GALK2: variants seen among roughly 807,000 people sequenced by gnomAD.
The protein encoded by GALK2 is N-acetylgalactosamine kinase.
A neutral mutation model predicts 52.4 loss-of-function variants in GALK2; 36 were observed. The observed-to-expected ratio is 0.69, with a 90% confidence interval of 0.53 to 0.91. GALK2 has a LOEUF of 0.91. Among genes scored for constraint, GALK2 ranks in the 40% least tolerant of loss-of-function variants. The probability of loss-of-function intolerance (pLI) is 0.00; values close to 1 mark genes in which losing one functional copy is unlikely to be tolerated. For missense variants in GALK2, 579 were observed against 559.1 expected, an observed-to-expected ratio of 1.04 and a Z score of -0.36; for synonymous variants, 176 against 199.1, an observed-to-expected ratio of 0.88 and a Z score of 0.98.
chr15:49,288,082 A>G (rs1317199443), intron 7 of GALK2, among the ~76,000 whole-genome samples: 1 of 152,254 alleles, frequency 6.6e-6, no homozygotes, highest in East Asian at 1.9e-4. Context: ...TACTACTTGT[A>G]TAAATGATAT....
At chr15:49,219,958 G>C (rs1190509621) in intron 3 of GALK2, among the ~76,000 whole-genome samples, 2 of 151,320 alleles carry the variant, frequency 1.3e-5, no homozygotes, top group Non-Finnish European at 1.5e-5. Flanking sequence ...TAATGATGTT[G>C]AACATCTTTT....
In GALK2 at chr15:49,322,818, G is replaced by A. The variant is rs1432814836; in HGVS notation, c.1169+3013G>A. Among the ~76,000 whole-genome samples, 8 of 152,104 alleles carry A rather than the reference G, an allele frequency of 5.3e-5. No individual in the cohort carries two copies. In the East Asian group the frequency reaches 5.8e-4, roughly 11 times the overall value. The stretch of plus-strand genomic sequence containing the variant: ...TAAAAATACAAAAAATTAGCCGAGC[G>A]TGGCGGCATGCGCCTGTAGTCCCAG... On this transcript the variant is annotated intron_variant, in intron 9 of 9. Transcript: ENST00000560031.
downstream of GALK2, chr15:49,332,021 T>A (rs1207421016): frequency 2.0e-5 from 12 of 586,186 alleles, no homozygotes; most frequent in Non-Finnish European, 3.0e-5. Flanking sequence ...TATTATCCTA[T>A]TTTATAAATG....
chr15:49,207,672 G>A (rs1406490431), intron 2 of GALK2, among the ~76,000 whole-genome samples: 5 of 152,088 alleles, frequency 3.3e-5, no homozygotes, highest in Non-Finnish European at 5.9e-5. Context: ...ATGATCTTTT[G>A]TATTTCAGTG....
At chr15:49,250,343 C>T (rs942691318) in intron 5 of GALK2, among the ~76,000 whole-genome samples, 22 of 152,084 alleles carry the variant, frequency 1.4e-4, no homozygotes, top group African/African-American at 5.1e-4. Context: ...GAGGTTATTA[C>T]TGCAAAATAT....
intron 1 of GALK2, 88 bp from the exon 2 acceptor site, chr15:49,201,071 TGTG>T: frequency 1.5e-6 from 1 of 651,722 alleles, no homozygotes; most frequent in Non-Finnish European, 2.8e-6. Flanking sequence ...TGTGTGTGTG[TGTG>T]TGTGTGTGTG....
rs539948962 is a variant in GALK2, at chr15:49,331,535, C to T, written c.*3376C>T. 1 of 421,858 alleles carries T rather than the reference C, an allele frequency of 2.4e-6. No individual in the cohort carries two copies. 26.1% of individuals were successfully genotyped at this position (421,858 alleles called of 1,614,324 possible). On this transcript the variant is annotated 3_prime_UTR_variant, in exon 10 of 10. Transcript: ENST00000560031. The stretch of plus-strand genomic sequence containing the variant: ...TTTGTAATTCTAACTGCATTTGGAG[C>T]TTTTCAGTTACATAAACTGTTCCTG...
At chr15:49,197,199 C>T (rs1324802480) in intron 1 of GALK2, among the ~76,000 whole-genome samples, 1 of 152,180 alleles carries the variant, frequency 6.6e-6, no homozygotes, top group Non-Finnish European at 1.5e-5. Context: ...TTTCATTTGC[C>T]TATAATACCT....
chr15:49,185,742 C>T (rs1379767344), intron 1 of GALK2: 1 of 152,150 alleles, frequency 6.6e-6, no homozygotes, highest in African/African-American at 2.4e-5. Context: ...TGCTTATTAA[C>T]AACCTTTTCT....
rs780004475 is a variant in GALK2, at chr15:49,253,401, G to T, written c.504+14034G>T. ...GAGGAACCAAAACTGTGACTGATTT[G>T]CATTGTAAGCAGGAATATTTTTTCT... On this transcript the variant is annotated intron_variant, in intron 5 of 9. Transcript: ENST00000560031. Among the ~76,000 whole-genome samples, 15 of 144,208 alleles carry T rather than the reference G, an allele frequency of 1.0e-4. 4 individuals carry two copies. The highest frequency in any genetic ancestry group is 1.6e-5 in the Non-Finnish European group (1 of 64,192). 94.6% of individuals were successfully genotyped at this position (144,208 alleles called of 152,430 possible). A position where few individuals can be genotyped will look rare whatever the true frequency, so the allele number is the denominator to read the frequency against.
chr15:49,356,445 T>C (rs955045736), intron 3 of GALK2, among the ~76,000 whole-genome samples: 18 of 150,932 alleles, frequency 1.2e-4, no homozygotes, highest in Admixed American at 4.0e-4. Flanking sequence ...CAGTCTCTGA[T>C]ACAACAGACT....
chr15:49,291,513 C>T (rs563441221), intron 7 of GALK2, among the ~76,000 whole-genome samples: 111 of 152,280 alleles, frequency 7.3e-4, no homozygotes, highest in African/African-American at 2.6e-3. Flanking sequence ...AAATGCCCCT[C>T]TGTCTTCACA....
At position 49,330,134 on chromosome 15, in the gene GALK2, T is replaced by G. The variant is rs919447; in HGVS notation, c.*1975T>G. The G allele has an allele frequency of 0.41, 63,046 of 152,098 alleles. 13,208 individuals carry two copies. Among genetic ancestry groups the G allele is most frequent in the African/African-American group, 0.43 (17,867 of 41,454 alleles). 9.4% of individuals were successfully genotyped at this position (152,098 alleles called of 1,614,324 possible). On this transcript the variant is annotated 3_prime_UTR_variant, in exon 10 of 10. Coordinates refer to ENST00000560031, the MANE Select transcript of GALK2 (RefSeq NM_002044.4). ...TTTGAGCATGGCCCTAAAAGATGAG[T>G]AGAGTTTAAAAGCTGTGGAGTGCAC...
At chr15:49,303,358 T>C (rs2035276537) in intron 8 of GALK2, among the ~76,000 whole-genome samples, 1 of 152,080 alleles carries the variant, frequency 6.6e-6, no homozygotes, top group Non-Finnish European at 1.5e-5. Flanking sequence ...CTAGGACATG[T>C]GTTGGAATCA....
chr15:49,311,648 T>C (rs1288539327), intron 8 of GALK2, among the ~76,000 whole-genome samples: 1 of 152,242 alleles, frequency 6.6e-6, no homozygotes, highest in South Asian at 2.1e-4. Flanking sequence ...GTGGATGTAA[T>C]GATTACTGTG....
intron 3 of GALK2, among the ~76,000 whole-genome samples, chr15:49,227,146 G>A (rs902088135): frequency 6.6e-6 from 1 of 152,172 alleles, no homozygotes; most frequent in Non-Finnish European, 1.5e-5. Flanking sequence ...GGTCTATTTG[G>A]TCAGTAGTGC....
chr15:49,291,704 A>T (rs1188235541), intron 7 of GALK2, among the ~76,000 whole-genome samples: 1 of 152,160 alleles, frequency 6.6e-6, no homozygotes, highest in East Asian at 1.9e-4. Context: ...GTACCTCAGG[A>T]TGCAGTTAGA....
At chr15:49,155,952 A>G in exon 1 of GALK2, 1 of 1,611,146 alleles carries the variant, frequency 6.2e-7, no homozygotes, top group Non-Finnish European at 8.5e-7. Flanking sequence ...GGTGAAAGTA[A>G]GGGACAGCTT....
intron 7 of GALK2, among the ~76,000 whole-genome samples, chr15:49,288,349 G>C (rs1336801081): frequency 6.6e-6 from 1 of 152,172 alleles, no homozygotes; most frequent in Admixed American, 6.5e-5. Context: ...CAGTGAAAGA[G>C]AGAGTTTCAT....
Sources: gnomAD v4.1 joint callset for allele counts (sites outside exome capture counted in the v4.1 genomes callset) on GRCh38, gnomAD v4.1.1 for gene constraint, MANE v1.5 for transcripts, NCBI Gene and HGNC (gene_info 2026-07-23, HGNC 2026-07-21) for gene names.